GADL1: variants seen among roughly 807,000 people sequenced by gnomAD.
GADL1 encodes GAD like acidic amino acid decarboxylase 1, also known as acidic amino acid decarboxylase GADL1.
A neutral mutation model predicts 69.5 loss-of-function variants in GADL1; 71 were observed. The ratio of observed to expected loss-of-function variants is 1.02; its 90% CI spans 0.84 to 1.25. The LOEUF is 1.25. GADL1 is among the 50% of genes most tolerant of loss of function. GADL1 has a pLI of 0.00. For synonymous variants in GADL1, 254 were observed against 214.4 expected (o/e 1.18, Z -1.62); for missense variants, 737 against 631.8 (o/e 1.17, Z -1.79).
At chr3:30,762,410 A>G (rs1204494682) in intron 14 of GADL1, among the ~76,000 whole-genome samples, 1 of 152,236 alleles carries the variant, frequency 6.6e-6, no homozygotes, top group East Asian at 1.9e-4. Context: ...CACAAAGCAT[A>G]TCTGAACTCA....
chr3:30,836,175 C>T (rs545426765), intron 9 of GADL1, among the ~76,000 whole-genome samples: 21 of 152,136 alleles, frequency 1.4e-4, no homozygotes, highest in African/African-American at 3.6e-4. Context: ...CCTGTTTGCT[C>T]GCTCACACTT....
intron 11 of GADL1, among the ~76,000 whole-genome samples, chr3:30,819,837 A>T (rs1697540070): frequency 6.6e-6 from 1 of 152,082 alleles, no homozygotes; most frequent in African/African-American, 2.4e-5. Flanking sequence ...TGAAAATCTT[A>T]GCAAAATATA....
chr3:30,886,598 G>A (rs1698714980), intron 1 of GADL1, among the ~76,000 whole-genome samples: 1 of 152,152 alleles, frequency 6.6e-6, no homozygotes, highest in African/African-American at 2.4e-5. Flanking sequence ...AACCAGTGCT[G>A]TTGGAGCCTG....
rs1194077707 is a variant in GADL1 at position 30,740,161 on chromosome 3, G to A, written c.1393-11746C>T. Among the ~76,000 whole-genome samples, 4 of 152,126 alleles carry A rather than the reference G, an allele frequency of 2.6e-5. No individual in the cohort carries two copies. In the South Asian group the frequency reaches 8.3e-4, roughly 32 times the overall value. On this transcript the variant is annotated intron_variant, in intron 14 of 14. Coordinates refer to ENST00000282538, the MANE Select transcript of GADL1 (RefSeq NM_207359.3). The stretch of plus-strand genomic sequence containing the variant: ...CAGGACCCACCTCTGCCTAAACTAA[G>A]CTCTGCTTTACCTGCTTCGTATGTC...
chr3:30,784,004 G>T (rs1260857793), intron 13 of GADL1, among the ~76,000 whole-genome samples: 3 of 152,016 alleles, frequency 2.0e-5, no homozygotes, highest in African/African-American at 7.2e-5. Context: ...CAACACCAGA[G>T]AAAATAACAC....
chr3:30,747,182 C>T (rs1695719956), intron 14 of GADL1, among the ~76,000 whole-genome samples: 1 of 152,144 alleles, frequency 6.6e-6, no homozygotes. Flanking sequence ...TAGAATCAGC[C>T]TTTTTCTGTT....
intron 14 of GADL1, among the ~76,000 whole-genome samples, chr3:30,774,598 T>C (rs562218578): frequency 1.8e-4 from 27 of 152,254 alleles, no homozygotes; most frequent in Non-Finnish European, 2.9e-4. Context: ...CACTTCCTTA[T>C]GTATTCCAAT....
intron 14 of GADL1, among the ~76,000 whole-genome samples, chr3:30,764,887 T>C (rs1696233284): frequency 6.6e-6 from 1 of 151,918 alleles, no homozygotes; most frequent in Admixed American, 6.6e-5. Flanking sequence ...TATCCCTACC[T>C]ACCCCTAAAA....
At chr3:30,789,340 C>T (rs1037140323) in intron 12 of GADL1, among the ~76,000 whole-genome samples, 2 of 152,196 alleles carry the variant, frequency 1.3e-5, no homozygotes, top group African/African-American at 4.8e-5. Context: ...CAAGTCTCAA[C>T]AGTGGGCTTC....
chr3:30,748,485 G>C (rs1695745887), intron 14 of GADL1, among the ~76,000 whole-genome samples: 1 of 152,028 alleles, frequency 6.6e-6, no homozygotes, highest in Admixed American at 6.6e-5. Context: ...GTTTCCTTCT[G>C]CCGGAATGTC....
chr3:30,758,619 T>C (rs1234751221), intron 14 of GADL1, among the ~76,000 whole-genome samples: 1 of 152,206 alleles, frequency 6.6e-6, no homozygotes, highest in Non-Finnish European at 1.5e-5. Flanking sequence ...TAAATATAAA[T>C]GTGGACCTTC....
intron 1 of GADL1, among the ~76,000 whole-genome samples, chr3:30,889,065 C>T (rs1012689714): frequency 2.7e-5 from 3 of 110,856 alleles, no homozygotes; most frequent in African/African-American, 3.7e-5. Flanking sequence ...TGAAGAAATA[C>T]CGAAGACTCG....
rs530048038 is a variant in GADL1 at position 30,854,887 on chromosome 3, G to C, written c.338-98C>G. On this transcript the variant is annotated intron_variant, in intron 3 of 14. Coordinates refer to ENST00000282538, the MANE Select transcript of GADL1 (RefSeq NM_207359.3). ...ATGAATCTTTCAGAAAATGAAAGCA[G>C]ACACACACAGAAGAGTTATATATAA... 3.0e-5 allele frequency: 20 copies of C among 667,184 alleles called. No individual in the cohort carries two copies. The East Asian group carries it at 5.2e-4, about 17-fold the overall frequency. The allele number at this position is 667,184 out of a possible 1,614,324, so 41.3% of individuals were successfully genotyped here. A position where few individuals can be genotyped will look rare whatever the true frequency, so the allele number is the denominator to read the frequency against.
intron 1 of GADL1, among the ~76,000 whole-genome samples, chr3:30,870,327 G>A (rs189156317): frequency 5.3e-5 from 8 of 151,852 alleles, no homozygotes; most frequent in Admixed American, 1.3e-4. Flanking sequence ...AGCCAGACAC[G>A]AAAGATATGG....
At chr3:30,856,920 G>A (rs548835870) in intron 3 of GADL1, 95 bp downstream of exon 3, 31 of 978,090 alleles carry the variant, frequency 3.2e-5, no homozygotes, top group Admixed American at 8.6e-5. Flanking sequence ...CAGATTTCTC[G>A]TTCCATAAGC....
chr3:30,843,363 C>G (rs1049375497), intron 8 of GADL1, among the ~76,000 whole-genome samples: 4 of 150,282 alleles, frequency 2.7e-5, no homozygotes, highest in Non-Finnish European at 4.4e-5. Context: ...TCAAGCGATT[C>G]TCCTGCCTCA....
At chr3:30,801,555 G>T (rs557052326) in intron 11 of GADL1, among the ~76,000 whole-genome samples, 1 of 152,206 alleles carries the variant, frequency 6.6e-6, no homozygotes, top group South Asian at 2.1e-4. Flanking sequence ...ATAACTCAGG[G>T]ATAAAAACCC....
chr3:30,739,389 C>G (rs1343077499), intron 14 of GADL1, among the ~76,000 whole-genome samples: 1 of 152,150 alleles, frequency 6.6e-6, no homozygotes, highest in East Asian at 1.9e-4. Context: ...GCCCACCTGC[C>G]TGCACCCATG....
chr3:30,862,773 A>C (rs1418978005), intron 1 of GADL1, among the ~76,000 whole-genome samples: 1 of 152,000 alleles, frequency 6.6e-6, no homozygotes, highest in Non-Finnish European at 1.5e-5. Flanking sequence ...TTGAACTAGC[A>C]CACATGAATA....
Sources: allele counts gnomAD v4.1 joint callset (sites outside exome capture counted in the v4.1 genomes callset), GRCh38; gene constraint gnomAD v4.1.1; transcripts MANE v1.5; gene names NCBI Gene and HGNC (gene_info 2026-07-23, HGNC 2026-07-21).